GRK3: variants seen among roughly 807,000 people sequenced by gnomAD.
GRK3 encodes the protein adrenergic, beta, receptor kinase 2.
Under a neutral mutation model 95.7 loss-of-function variants are expected in GRK3, and 54 were observed. The ratio of observed to expected loss-of-function variants is 0.56; its 90% CI spans 0.45 to 0.71. The LOEUF is 0.71. Among genes scored for constraint, GRK3 ranks in the 30% least tolerant of loss-of-function variants. The probability of loss-of-function intolerance (pLI) is 0.00; values close to 1 mark genes in which losing one functional copy is unlikely to be tolerated. For synonymous variants in GRK3, 281 were observed against 290.8 expected (o/e 0.97, Z 0.34); for missense variants, 649 against 851.2 (o/e 0.76, Z 2.96).
chr22:25,676,706 A>G (rs1043507882), intron 8 of GRK3, among the ~76,000 whole-genome samples: 2 of 150,788 alleles, frequency 1.3e-5, no homozygotes, highest in African/African-American at 5.0e-5. Context: ...AAAAAAAAGG[A>G]AATAATATCA....
intron 3 of GRK3, among the ~76,000 whole-genome samples, chr22:25,645,186 T>G (rs2084771707): frequency 6.6e-6 from 1 of 152,134 alleles, no homozygotes; most frequent in African/African-American, 2.4e-5. Context: ...GGCCAGAAAC[T>G]TCCAGAAGGC....
chr22:25,722,087 A>G (rs773576619), intron 20 of GRK3, among the ~76,000 whole-genome samples: 2 of 152,196 alleles, frequency 1.3e-5, no homozygotes, highest in Admixed American at 6.5e-5. Flanking sequence ...AAGGGTTTTA[A>G]TGTGGCCTTT....
At chr22:25,704,518 C>G (rs576913423) in intron 15 of GRK3, among the ~76,000 whole-genome samples, 1 of 152,280 alleles carries the variant, frequency 6.6e-6, no homozygotes, top group Non-Finnish European at 1.5e-5. Flanking sequence ...TCAAGCAATT[C>G]TCCTGCCTCA....
At chr22:25,653,792 A>G (rs2084851058) in intron 3 of GRK3, among the ~76,000 whole-genome samples, 1 of 152,120 alleles carries the variant, frequency 6.6e-6, no homozygotes, top group Non-Finnish European at 1.5e-5. Flanking sequence ...GGGTTCAACC[A>G]ATTCTCCTGC....
intron 13 of GRK3, among the ~76,000 whole-genome samples, chr22:25,700,487 G>A (rs1413047763): frequency 6.6e-6 from 1 of 152,230 alleles, no homozygotes; most frequent in East Asian, 1.9e-4. Flanking sequence ...GCGCTATTGA[G>A]TTTGTTCCAG....
chr22:25,636,323 C>T (rs1052213031), intron 2 of GRK3, among the ~76,000 whole-genome samples: 2 of 152,170 alleles, frequency 1.3e-5, no homozygotes, highest in South Asian at 2.1e-4. Context: ...TGTATGTGTA[C>T]GTGTTCACAT....
chr22:25,698,409 A>C (rs536007244), intron 13 of GRK3, among the ~76,000 whole-genome samples: 17 of 152,320 alleles, frequency 1.1e-4, no homozygotes, highest in Admixed American at 5.2e-4. Context: ...GCTAACTTTG[A>C]CAGTAGCGAT....
chr22:25,593,130 G>T (rs546677886), intron 1 of GRK3, among the ~76,000 whole-genome samples: 22 of 142,018 alleles, frequency 1.5e-4, no homozygotes, highest in African/African-American at 6.7e-4. Flanking sequence ...ACATATGAGT[G>T]CATGTGGTTT....
At chr22:25,625,934 G>T (rs1442013291) in intron 2 of GRK3, among the ~76,000 whole-genome samples, 1 of 152,142 alleles carries the variant, frequency 6.6e-6, no homozygotes, top group African/African-American at 2.4e-5. Context: ...TCTTTACCCT[G>T]CCCTTTTTGC....
chr22:25,688,230 T>C (rs1170527300), intron 11 of GRK3, among the ~76,000 whole-genome samples: 9 of 135,234 alleles, frequency 6.7e-5, no homozygotes, highest in Non-Finnish European at 7.9e-5. Flanking sequence ...AGCAAGACTC[T>C]GTCTCAAAAA....
intron 6 of GRK3, among the ~76,000 whole-genome samples, chr22:25,670,262 G>A (rs1391022842): frequency 1.3e-5 from 2 of 152,164 alleles, no homozygotes; most frequent in African/African-American, 4.8e-5. Context: ...GGGAGGCTGA[G>A]TCAGCAGGAT....
chr22:25,689,290 C>T lies in GRK3; in HGVS notation c.958-899C>T, dbSNP rs79100282. On this transcript the variant is annotated intron_variant, in intron 11 of 20. Coordinates refer to ENST00000324198, the MANE Select transcript of GRK3 (RefSeq NM_005160.4). ...AAACACATGCTGACGGCCCATGAAG[C>T]GCTATTGTAATACATTCTAATTTAA... Among the ~76,000 whole-genome samples the T allele has an allele frequency of 4.2e-3, 645 of 152,170 alleles. 4 individuals are homozygous for T. The highest frequency in any genetic ancestry group is 0.015 in the African/African-American group (611 of 41,518).
intron 2 of GRK3, among the ~76,000 whole-genome samples, chr22:25,615,038 C>T (rs2084527544): frequency 6.6e-6 from 1 of 152,174 alleles, no homozygotes; most frequent in Non-Finnish European, 1.5e-5. Flanking sequence ...CGCCAAGCAG[C>T]CCCTGAGATT....
intron 2 of GRK3, among the ~76,000 whole-genome samples, chr22:25,627,336 C>G (rs1488839244): frequency 6.6e-6 from 1 of 152,208 alleles, no homozygotes; most frequent in Non-Finnish European, 1.5e-5. Flanking sequence ...AGGCTGGATC[C>G]CTTAGCCTGG....
intron 12 of GRK3, among the ~76,000 whole-genome samples, chr22:25,691,668 A>T (rs1176745126): frequency 6.6e-6 from 1 of 152,178 alleles, no homozygotes; most frequent in Non-Finnish European, 1.5e-5. Context: ...TGGTATGCTA[A>T]TTTTTTCAGT....
chr22:25,665,717 TA>T (rs1028641936), intron 5 of GRK3, among the ~76,000 whole-genome samples: 2 of 152,254 alleles, frequency 1.3e-5, no homozygotes, highest in African/African-American at 2.4e-5. Flanking sequence ...GCATAATGAC[TA>T]AAGTATAAGT....
intron 1 of GRK3, among the ~76,000 whole-genome samples, chr22:25,567,585 A>C (rs1451103857): frequency 1.3e-5 from 2 of 152,214 alleles, no homozygotes; most frequent in Admixed American, 1.3e-4. Context: ...TTTTCTGATA[A>C]GTTTCTATTT....
At chr22:25,666,589 CT>C (rs979475236) in intron 5 of GRK3, among the ~76,000 whole-genome samples, 3 of 152,156 alleles carry the variant, frequency 2.0e-5, no homozygotes, top group African/African-American at 4.8e-5. Context: ...CCACCGCCCC[CT>C]ATCCCGCGTT....
chr22:25,669,700 C>T (rs2084966373), intron 6 of GRK3, among the ~76,000 whole-genome samples: 1 of 152,228 alleles, frequency 6.6e-6, no homozygotes, highest in Non-Finnish European at 1.5e-5. Context: ...AGCCTAGATA[C>T]TCAGGGCCAT....
Sources: allele counts gnomAD v4.1 joint callset (sites outside exome capture counted in the v4.1 genomes callset), GRCh38; gene constraint gnomAD v4.1.1; transcripts MANE v1.5; gene names NCBI Gene and HGNC (gene_info 2026-07-23, HGNC 2026-07-21).